NID2: variants seen among roughly 807,000 people sequenced by gnomAD.
NID2 encodes nidogen 2.
In NID2, 83 loss-of-function variants were observed where a neutral mutation model predicts 145.4. That is an observed-to-expected ratio of 0.57 (90% CI 0.48 to 0.69). The LOEUF (loss-of-function observed/expected upper bound fraction) is 0.69. NID2 is among the 30% of genes least tolerant of loss of function. The pLI is 0.00. For missense variants in NID2, 1,807 were observed against 1,765.7 expected (o/e 1.02, Z -0.42); for synonymous variants, 739 against 701.3 (o/e 1.05, Z -0.85).
chr14:52,043,356 A>T (rs909665545), intron 5 of NID2, among the ~76,000 whole-genome samples: 2 of 152,200 alleles, frequency 1.3e-5, no homozygotes, highest in African/African-American at 4.8e-5. Context: ...CTTATGTCTA[A>T]CCATCCTTCT....
intron 20 of NID2, 120 bp downstream of exon 20, chr14:52,006,417 G>A (rs778984996): frequency 1.8e-6 from 2 of 1,115,094 alleles, no homozygotes; most frequent in Non-Finnish European, 2.6e-6. Flanking sequence ...AGGAGGTGAT[G>A]AAACAAAAGC....
chr14:52,059,491 C>G (rs964749858), intron 3 of NID2, among the ~76,000 whole-genome samples: 1 of 152,212 alleles, frequency 6.6e-6, no homozygotes, highest in African/African-American at 2.4e-5. Flanking sequence ...CCTACTGGCA[C>G]TATCTGTACT....
intron 9 of NID2, among the ~76,000 whole-genome samples, chr14:52,030,589 A>AACGGAAGG (rs1566755757): frequency 2.4e-5 from 1 of 41,280 alleles, no homozygotes; most frequent in East Asian, 7.2e-4. Flanking sequence ...AAAGAAAGAA[A>AACGGAAGG]GAAAGAAAGA....
rs767696628 is a variant in NID2, at chr14:52,029,530, G to A, written c.2401+17C>T. 9 of 1,596,906 alleles carry A rather than the reference G, an allele frequency of 5.6e-6. No homozygotes were observed. The highest frequency in any genetic ancestry group is 4.4e-5 in the South Asian group (4 of 90,242). On this transcript the variant is annotated intron_variant, in intron 10 of 21. Coordinates refer to ENST00000216286, the MANE Select transcript of NID2 (RefSeq NM_007361.4). ...AACAAGGGCTACAAGAAGGAGACAC[G>A]AGAACATGGCTCTTACCCACACAGT...
At chr14:52,030,552 GA>G (rs1481177320) in intron 9 of NID2, among the ~76,000 whole-genome samples, 1 of 50,606 alleles carries the variant, frequency 2.0e-5, no homozygotes, top group Non-Finnish European at 4.2e-5. Flanking sequence ...AAGAAAGAAA[GA>G]AAGAAAGAAA....
At chr14:52,006,692 T>G (rs762598719) in intron 19 of NID2, 32 bp from the exon 20 acceptor site, 1 of 1,611,024 alleles carries the variant, frequency 6.2e-7, no homozygotes, top group Non-Finnish European at 8.5e-7. Context: ...ATGAGGTCCT[T>G]CAGCTGCTTT....
chr14:52,043,078 C>A, intron 5 of NID2, 147 bp from the exon 6 acceptor site: 1 of 738,274 alleles, frequency 1.4e-6, no homozygotes, highest in Non-Finnish European at 2.2e-6. Context: ...ACATTCAACC[C>A]AAGGGAATTA....
intron 5 of NID2, among the ~76,000 whole-genome samples, chr14:52,049,891 G>A (rs1020548400): frequency 6.6e-6 from 1 of 152,072 alleles, no homozygotes; most frequent in Non-Finnish European, 1.5e-5. Context: ...ATCGGGGGGC[G>A]GCGGCTCCTG....
In NID2 at chr14:52,015,134, T is replaced by C; in HGVS notation, c.3170A>G (p.Lys1057Arg). The stretch of plus-strand genomic sequence containing the variant: ...GTCCACACACCAGCAGAAGTCGCTC[T>C]TTCCGTGGCACTGCAGGGGGATGAA... The part of the protein sequence containing the change: ...GHFIPLQCHG[K>R]SDFCWCVDKD... The change falls in exon 15 of 22, where the codon AAG becomes AGG. Residue 1057 changes from lysine (K) to arginine (R), a missense_variant. By Grantham distance (26) the Lys-to-Arg change is conservative (BLOSUM62 2). Coordinates refer to ENST00000216286, the MANE Select transcript of NID2 (RefSeq NM_007361.4). 1 of 1,614,116 alleles carries C rather than the reference T, an allele frequency of 6.2e-7. No homozygotes were observed. Among genetic ancestry groups the C allele is most frequent in the Non-Finnish European group, 8.5e-7 (1 of 1,180,016 alleles).
At position 52,033,800 on chromosome 14, in the gene NID2, A is replaced by G. The variant is rs1352976590; in HGVS notation, c.2258-4110T>C. ...GGTTCAAACACAAAGGGTTTAAAAG[A>G]CACACATTGCCTCTTTCAAAGTTTG... On this transcript the variant is annotated intron_variant, in intron 9 of 21. Coordinates refer to ENST00000216286, the MANE Select transcript of NID2 (RefSeq NM_007361.4). Among the ~76,000 whole-genome samples the G allele has an allele frequency of 2.0e-5, 3 of 152,182 alleles. No homozygotes were observed. In the South Asian group the frequency reaches 6.2e-4, roughly 31 times the overall value.
chr14:52,041,473 A>C (rs540380565), intron 7 of NID2, among the ~76,000 whole-genome samples: 1 of 152,338 alleles, frequency 6.6e-6, no homozygotes, highest in East Asian at 1.9e-4. Context: ...TCTAGCAAAC[A>C]AGTTTTCAGG....
chr14:52,029,227 T>C (rs1328135353), intron 10 of NID2, among the ~76,000 whole-genome samples: 2 of 152,142 alleles, frequency 1.3e-5, no homozygotes, highest in Non-Finnish European at 2.9e-5. Context: ...AATCAGAAAA[T>C]GTGCTTTTTG....
chr14:52,013,599 G>A (rs1891109122), intron 16 of NID2, among the ~76,000 whole-genome samples: 1 of 152,126 alleles, frequency 6.6e-6, no homozygotes, highest in Non-Finnish European at 1.5e-5. Flanking sequence ...GATGCCATTC[G>A]AGACAGCCAC....
chr14:52,040,670 C>T lies in NID2; in HGVS notation c.2007G>A (p.Leu669=), dbSNP rs748825219. ...FTAHISPYKE[L]YHYSDSTVTS... ...ACATACTGGAGTCGGAGTAGTGGTA[C>T]AGCTCCTTGTAGGGAGAGATGTGGG... Residue 669 remains leucine, a synonymous_variant, in exon 8 of 22, where the codon CTG becomes CTA. Coordinates refer to ENST00000216286, the MANE Select transcript of NID2 (RefSeq NM_007361.4). 1.2e-6 allele frequency: 2 copies of T among 1,614,058 alleles called. No individual in the cohort carries two copies. The highest frequency in any genetic ancestry group is 2.2e-5 in the South Asian group (2 of 91,074).
intron 12 of NID2, among the ~76,000 whole-genome samples, chr14:52,022,167 G>T (rs1464519396): frequency 6.6e-6 from 1 of 150,920 alleles, no homozygotes; most frequent in Non-Finnish European, 1.5e-5. Context: ...TAAATCAACG[G>T]TGTGCTTAGA....
chr14:52,069,055 T>A lies in NID2; in HGVS notation c.-61A>T. On this transcript the variant is annotated 5_prime_UTR_variant, in exon 1 of 22. Coordinates refer to ENST00000216286, the MANE Select transcript of NID2 (RefSeq NM_007361.4). ...CGTCCCGCCCCGGCCTCCAGCCCAC[T>A]CTCCGCGCCGCGCCAGCCTCGAACC... 1 of 1,369,098 alleles carries A rather than the reference T, an allele frequency of 7.3e-7. No homozygotes were observed. Among genetic ancestry groups the A allele is most frequent in the Non-Finnish European group, 9.9e-7 (1 of 1,005,474 alleles). 84.8% of individuals were successfully genotyped at this position (1,369,098 alleles called of 1,614,324 possible). A position where few individuals can be genotyped will look rare whatever the true frequency, so the allele number is the denominator to read the frequency against.
At position 52,039,559 on chromosome 14, in the gene NID2, A is replaced by G. The variant is rs72680314; in HGVS notation, c.2027-582T>C. Among the ~76,000 whole-genome samples, 99 of 152,270 alleles carry G rather than the reference A, an allele frequency of 6.5e-4. 1 individual carries two copies. Among genetic ancestry groups the G allele is most frequent in the Non-Finnish European group, 1.2e-3 (80 of 68,010 alleles). On this transcript the variant is annotated intron_variant, in intron 8 of 21. Transcript: ENST00000216286. Reference sequence around the variant, plus strand: ...CAGGTCAGTGATCCGGACACTGACCATTTTGTTCACAGCCCAGGTCTCTGC... The same window carrying G: ...CAGGTCAGTGATCCGGACACTGACCGTTTTGTTCACAGCCCAGGTCTCTGC...
chr14:52,026,331 C>T (rs1015739664), intron 12 of NID2, among the ~76,000 whole-genome samples: 1 of 152,202 alleles, frequency 6.6e-6, no homozygotes, highest in African/African-American at 2.4e-5. Flanking sequence ...CAGATGCACA[C>T]AGCAACACCA....
At chr14:52,013,366 A>G (rs1354352652) in intron 16 of NID2, among the ~76,000 whole-genome samples, 4 of 152,184 alleles carry the variant, frequency 2.6e-5, no homozygotes, top group African/African-American at 9.7e-5. Context: ...ACAATGTGAG[A>G]GTTTTCTTGG....
Sources: gnomAD v4.1 joint callset for allele counts (sites outside exome capture counted in the v4.1 genomes callset) on GRCh38, gnomAD v4.1.1 for gene constraint, MANE v1.5 for transcripts, NCBI Gene and HGNC (gene_info 2026-07-23, HGNC 2026-07-21) for gene names.